Variants in RYR3 observed in about 807,000 individuals in gnomAD.
RYR3 encodes the protein ryanodine receptor 3, also known as brain ryanodine receptor-calcium release channel.
A neutral mutation model predicts 584.3 loss-of-function variants in RYR3; 207 were observed. That is an observed-to-expected ratio of 0.35 (90% CI 0.32 to 0.40). The LOEUF is 0.40. Among genes scored for constraint, RYR3 ranks in the 10% least tolerant of loss-of-function variants. The pLI is 1.00. For missense variants in RYR3, 5,616 were observed against 6,089.2 expected, an observed-to-expected ratio of 0.92 and a Z score of 2.59; for synonymous variants, 2,416 against 2,248.5, an observed-to-expected ratio of 1.07 and a Z score of -2.11.
At chr15:33,827,486 A>T (rs924977871) in intron 85 of RYR3, among the ~76,000 whole-genome samples, 199 bp downstream of exon 85, 2 of 152,226 alleles carry the variant, frequency 1.3e-5, no homozygotes, top group Admixed American at 1.3e-4. Context: ...GTGGTTAAAC[A>T]CCAAATCGTC....
chr15:33,830,489 G>A (rs1427983702), intron 85 of RYR3, among the ~76,000 whole-genome samples: 1 of 152,200 alleles, frequency 6.6e-6, no homozygotes, highest in Admixed American at 6.5e-5. Context: ...GATGTACGCT[G>A]AGAAATCAAC....
In RYR3 at chr15:33,838,765, C is replaced by A. The variant is rs765319074; in HGVS notation, c.12785C>A (p.Thr4262Asn). 1.1e-5 allele frequency: 17 copies of A among 1,613,788 alleles called. No individual in the cohort carries two copies. The highest frequency in any genetic ancestry group is 1.4e-5 in the Non-Finnish European group (17 of 1,179,874). ...GAGGTGATGGAGCCAGGTATCACCA[C>A]TGAACTAGTACACTTCATAAAGGGG... ...RAEVMEPGIT[T>N]ELVHFIKGEK... The change falls in exon 89 of 104, where the codon ACT becomes AAT. Residue 4262 changes from threonine (T) to asparagine (N), a missense_variant. This residue lies in a region of RYR3 where 918 missense variants were observed against 887.4 expected (regional missense o/e 1.03). Transcript: ENST00000634891.
At chr15:33,770,209 A>G (rs992934877) in intron 62 of RYR3, among the ~76,000 whole-genome samples, 9 of 152,130 alleles carry the variant, frequency 5.9e-5, no homozygotes, top group African/African-American at 2.2e-4. Context: ...TTACCAACCT[A>G]AAAGAGTGGG....
intron 1 of RYR3, among the ~76,000 whole-genome samples, chr15:33,379,687 C>CTCTCTCTCTCTCTCTATATATATATATA: frequency 1.3e-4 from 16 of 125,514 alleles, no homozygotes; most frequent in African/African-American, 5.3e-4. Flanking sequence ...CTCTCTCTCT[C>CTCTCTCTCTCTCTCTATATATATATATA]TATATATATA....
At chr15:33,713,372 G>T (rs1182510229) in intron 43 of RYR3, among the ~76,000 whole-genome samples, 1 of 151,990 alleles carries the variant, frequency 6.6e-6, no homozygotes, top group Non-Finnish European at 1.5e-5. Flanking sequence ...TGACTGAGGT[G>T]GGTGGTGGTT....
chr15:33,827,792 G>A lies in RYR3; in HGVS notation c.11334+505G>A, dbSNP rs114701677. 2.4e-3 allele frequency among the ~76,000 whole-genome samples: 364 copies of A among 152,288 alleles called. 4 individuals are homozygous for A. The highest frequency in any genetic ancestry group is 8.3e-3 in the African/African-American group (344 of 41,550). ...TTTGCTGATTCCTCATCCTGGTTCT[G>A]CCACTTACTGGTTTGTAACCTAGAG... On this transcript the variant is annotated intron_variant, in intron 85 of 103. Coordinates refer to ENST00000634891, the MANE Select transcript of RYR3 (RefSeq NM_001036.6).
At chr15:33,752,981 A>G (rs1200575630) in intron 57 of RYR3, among the ~76,000 whole-genome samples, 1 of 152,136 alleles carries the variant, frequency 6.6e-6, no homozygotes, top group Non-Finnish European at 1.5e-5. Flanking sequence ...AGCATGAAGG[A>G]TGTTAAATTT....
At chr15:33,566,535 A>G (rs1009628804) in intron 11 of RYR3, 143 bp from the exon 12 acceptor site, 2 of 832,032 alleles carry the variant, frequency 2.4e-6, no homozygotes, top group African/African-American at 3.4e-5. Flanking sequence ...TAGCTTCGCT[A>G]ATGTCCCATT....
At chr15:33,823,631 T>C (rs2077222623) in intron 81 of RYR3, among the ~76,000 whole-genome samples, 1 of 152,176 alleles carries the variant, frequency 6.6e-6, no homozygotes, top group Non-Finnish European at 1.5e-5. Flanking sequence ...CTTTGAACTT[T>C]CCATTCATAT....
At chr15:33,622,158 C>T (rs2060758238) in intron 19 of RYR3, among the ~76,000 whole-genome samples, 1 of 152,166 alleles carries the variant, frequency 6.6e-6, no homozygotes, top group Admixed American at 6.5e-5. Flanking sequence ...CTTATATTTC[C>T]TTACGTTAAA....
At position 33,789,624 on chromosome 15, in the gene RYR3, TTATATATATA is replaced by T. The variant is rs1567174689; in HGVS notation, c.9830+1192_9830+1201del. Among the ~76,000 whole-genome samples the T allele has an allele frequency of 7.5e-3, 88 of 11,694 alleles. 2 individuals are homozygous for T. The highest frequency in any genetic ancestry group is 0.017 in the South Asian group (2 of 118). The allele number at this position is 11,694 out of a possible 152,430, so 7.7% of individuals were successfully genotyped here. On this transcript the variant is annotated intron_variant, in intron 67 of 103. Coordinates refer to ENST00000634891, the MANE Select transcript of RYR3 (RefSeq NM_001036.6). Reference sequence around the variant, plus strand: ...TATATGCATGTTACCAGGTTTTATTTTATATATATATATATATATATATATATATATATAT... The same window carrying T: ...TATATGCATGTTACCAGGTTTTATTTTATATATATATATATATATATATAT...
chr15:33,830,818 C>G, intron 85 of RYR3, 145 bp from the exon 86 acceptor site: 1 of 698,630 alleles, frequency 1.4e-6, no homozygotes, highest in South Asian at 2.2e-5. Context: ...CCTGGTATCT[C>G]TGCACTTCTT....
chr15:33,400,939 C>T (rs2042620709), intron 1 of RYR3, among the ~76,000 whole-genome samples: 4 of 152,292 alleles, frequency 2.6e-5, no homozygotes, highest in South Asian at 2.1e-4. Context: ...ACAGCATGGA[C>T]GGGTAAATTT....
chr15:33,492,677 G>C (rs2051071258), intron 2 of RYR3, among the ~76,000 whole-genome samples: 1 of 152,150 alleles, frequency 6.6e-6, no homozygotes, highest in Non-Finnish European at 1.5e-5. Context: ...CTGCAGTCAA[G>C]GCAGGACCCA....
At chr15:33,853,782 C>A in intron 96 of RYR3, 100 bp downstream of exon 96, 1 of 1,471,404 alleles carries the variant, frequency 6.8e-7, no homozygotes. Context: ...TTCTCTCAGG[C>A]TGTGGTCTGG....
At chr15:33,497,123 TAC>T (rs2051508892) in intron 2 of RYR3, among the ~76,000 whole-genome samples, 1 of 152,158 alleles carries the variant, frequency 6.6e-6, no homozygotes, top group African/African-American at 2.4e-5. Context: ...TTGTGGAGAA[TAC>T]GCGTTAATTC....
chr15:33,477,546 T>G (rs2049492058), intron 2 of RYR3, among the ~76,000 whole-genome samples: 1 of 140,650 alleles, frequency 7.1e-6, no homozygotes, highest in Non-Finnish European at 1.5e-5. Flanking sequence ...TAAGCAAAGG[T>G]TCAGGAATTT....
At chr15:33,392,223 C>T (rs960028883) in intron 1 of RYR3, among the ~76,000 whole-genome samples, 1 of 149,580 alleles carries the variant, frequency 6.7e-6, no homozygotes, top group African/African-American at 2.5e-5. Context: ...AAATCGAAGT[C>T]AAATAAAGGA....
At chr15:33,618,602 G>A (rs1478279238) in intron 19 of RYR3, among the ~76,000 whole-genome samples, 1 of 152,204 alleles carries the variant, frequency 6.6e-6, no homozygotes, top group Non-Finnish European at 1.5e-5. Flanking sequence ...GTCAAATTCA[G>A]GTCAGCAAAA....
Sources: allele counts gnomAD v4.1 joint callset (sites outside exome capture counted in the v4.1 genomes callset), GRCh38; gene constraint gnomAD v4.1.1; regional missense constraint gnomAD v4.1.1; transcripts MANE v1.5; gene names NCBI Gene and HGNC (gene_info 2026-07-23, HGNC 2026-07-21).